Variants in ANKRD28 observed in about 807,000 individuals in gnomAD.
ANKRD28 encodes serine/threonine-protein phosphatase 6 regulatory ankyrin repeat subunit A.
Under a neutral mutation model 126.5 loss-of-function variants are expected in ANKRD28, and 44 were observed. The ratio of observed to expected loss-of-function variants is 0.35; its 90% CI spans 0.27 to 0.45. ANKRD28 has a LOEUF of 0.45. ANKRD28 is among the 20% of genes least tolerant of loss of function. The probability of loss-of-function intolerance (pLI) is 1.00; values close to 1 mark genes in which losing one functional copy is unlikely to be tolerated. For synonymous variants in ANKRD28, 442 were observed against 468.5 expected, an observed-to-expected ratio of 0.94 and a Z score of 0.73; for missense variants, 1,110 against 1,316.6, an observed-to-expected ratio of 0.84 and a Z score of 2.43.
chr3:15,701,935 G>T (rs192965005), intron 14 of ANKRD28, among the ~76,000 whole-genome samples: 1 of 151,942 alleles, frequency 6.6e-6, no homozygotes, highest in Non-Finnish European at 1.5e-5. Context: ...TTACCCAAGG[G>T]CATTTAAAAA....
At chr3:15,826,656 T>G (rs2061073642) in intron 1 of ANKRD28, among the ~76,000 whole-genome samples, 1 of 152,174 alleles carries the variant, frequency 6.6e-6, no homozygotes, top group Non-Finnish European at 1.5e-5. Context: ...GTAGTTAGGT[T>G]TATATTTTAT....
chr3:15,785,860 A>G (rs879877846), intron 2 of ANKRD28, among the ~76,000 whole-genome samples: 12 of 152,086 alleles, frequency 7.9e-5, no homozygotes, highest in Non-Finnish European at 1.6e-4. Flanking sequence ...AATGGATTAA[A>G]AAGAAATGAG....
rs5846878 is a variant in ANKRD28 at position 15,797,209 on chromosome 3, CAA to C, written c.-690_-689del. On this transcript the variant is annotated 5_prime_UTR_variant, in exon 1 of 28. It removes the in-frame stop codon of an upstream open reading frame in the 5' UTR. Transcript: ENST00000683139. ...TTGGGAAAGGGGCAAAAAACAAAAA[CAA>C]AAAAAAAAAAACCACTCTGCATTAA... The C allele has an allele frequency of 2.5e-3, 2,277 of 898,084 alleles. 7 individuals carry two copies. Among genetic ancestry groups the C allele is most frequent in the African/African-American group, 6.7e-3 (340 of 50,824 alleles). 55.6% of individuals were successfully genotyped at this position (898,084 alleles called of 1,614,324 possible).
At chr3:15,690,558 G>A (rs904266656) in intron 17 of ANKRD28, among the ~76,000 whole-genome samples, 1 of 152,040 alleles carries the variant, frequency 6.6e-6, no homozygotes, top group Non-Finnish European at 1.5e-5. Context: ...ATTCTAAAAA[G>A]CCTGTGTTTT....
chr3:15,825,008 G>A (rs374135961), intron 1 of ANKRD28, among the ~76,000 whole-genome samples: 108 of 152,216 alleles, frequency 7.1e-4, no homozygotes, highest in African/African-American at 2.6e-3. Flanking sequence ...AATCAAATAA[G>A]CCAACTTGTG....
rs1307078981 is a variant in ANKRD28, at chr3:15,678,320, C to T, written c.2596G>A (p.Val866Ile). 2.5e-6 allele frequency: 4 copies of T among 1,611,310 alleles called. No homozygotes were observed. Among genetic ancestry groups the T allele is most frequent in the Non-Finnish European group, 3.4e-6 (4 of 1,178,856 alleles). Residue 866 changes from valine to isoleucine, a missense_variant, in exon 24 of 28, where the codon GTA becomes ATA. Transcript: ENST00000683139. ...PLHAAAFTDH[V>I]ECLQLLLSHN... The stretch of plus-strand genomic sequence containing the variant: ...CTGAGCAGCAGCTGTAAACACTCTA[C>T]ATGGTCTGTGAAGGCGGCTGCATGG...
intron 23 of ANKRD28, among the ~76,000 whole-genome samples, chr3:15,678,909 G>C (rs958070402): frequency 6.6e-6 from 1 of 152,044 alleles, no homozygotes. Context: ...TTTTAATAAT[G>C]GGTTTTCTGT....
chr3:15,713,732 T>A (rs1219302242), intron 9 of ANKRD28, 91 bp from the exon 10 acceptor site: 1 of 717,154 alleles, frequency 1.4e-6, no homozygotes. Flanking sequence ...GCTGTTCACA[T>A]ACAAACTAAT....
At chr3:15,789,316 C>G (rs775328423) in intron 2 of ANKRD28, among the ~76,000 whole-genome samples, 2 of 152,076 alleles carry the variant, frequency 1.3e-5, no homozygotes. Context: ...CAAGACTGAT[C>G]TAGCAAAAAG....
intron 21 of ANKRD28, among the ~76,000 whole-genome samples, chr3:15,680,990 T>C (rs1409196680): frequency 1.3e-5 from 2 of 152,180 alleles, no homozygotes; most frequent in African/African-American, 4.8e-5. Flanking sequence ...TTAGGAAGTA[T>C]TTTTGTAGGA....
intron 1 of ANKRD28, among the ~76,000 whole-genome samples, chr3:15,818,690 ACT>A (rs1476213619): frequency 2.0e-5 from 3 of 152,216 alleles, no homozygotes; most frequent in Non-Finnish European, 2.9e-5. Flanking sequence ...CTCACAAGAT[ACT>A]TTAATATTTT....
intron 14 of ANKRD28, among the ~76,000 whole-genome samples, chr3:15,699,005 A>G (rs1424994195): frequency 6.6e-6 from 1 of 152,260 alleles, no homozygotes; most frequent in African/African-American, 2.4e-5. Flanking sequence ...ACAAGGCTAC[A>G]GTAACCAAAA....
chr3:15,786,723 TTATCA>T (rs2059799344), intron 2 of ANKRD28, among the ~76,000 whole-genome samples: 1 of 152,092 alleles, frequency 6.6e-6, no homozygotes, highest in Non-Finnish European at 1.5e-5. Flanking sequence ...AGGACATAAT[TTATCA>T]TATTTTTGCT....
intron 1 of ANKRD28, among the ~76,000 whole-genome samples, chr3:15,834,779 C>A (rs1486346489): frequency 6.6e-6 from 1 of 152,114 alleles, no homozygotes; most frequent in Non-Finnish European, 1.5e-5. Context: ...AAGGATATTT[C>A]TATGGTTAAA....
chr3:15,774,779 G>C (rs768886223), intron 2 of ANKRD28, among the ~76,000 whole-genome samples: 5 of 152,102 alleles, frequency 3.3e-5, no homozygotes, highest in Non-Finnish European at 5.9e-5. Flanking sequence ...TGCAACACAC[G>C]CAAGTCAAAA....
At chr3:15,726,594 G>A (rs1414341320) in intron 6 of ANKRD28, among the ~76,000 whole-genome samples, 4 of 152,196 alleles carry the variant, frequency 2.6e-5, no homozygotes, top group Admixed American at 6.5e-5. Context: ...GAAAAAAGAT[G>A]TCCCTGTAAC....
At chr3:15,722,251 C>A (rs1330215881) in intron 7 of ANKRD28, among the ~76,000 whole-genome samples, 4 of 152,182 alleles carry the variant, frequency 2.6e-5, no homozygotes, top group Non-Finnish European at 5.9e-5. Flanking sequence ...AAATCAACCA[C>A]ATGGACAACC....
rs138097936 is a variant in ANKRD28 at position 15,710,398 on chromosome 3, G to C, written c.1338-662C>G. On this transcript the variant is annotated intron_variant, in intron 12 of 27. Transcript: ENST00000683139. ...CAAGTCTGTTGTCCCTCTCTCTGTA[G>C]GCAAGTTACGTGGAAGTTAGGTTTT... Among the ~76,000 whole-genome samples, 548 of 152,236 alleles carry C rather than the reference G, an allele frequency of 3.6e-3. 7 individuals carry two copies. Among genetic ancestry groups the C allele is most frequent in the African/African-American group, 0.013 (529 of 41,540 alleles).
At chr3:15,712,809 G>C (rs1292692967) in intron 10 of ANKRD28, among the ~76,000 whole-genome samples, 3 of 152,056 alleles carry the variant, frequency 2.0e-5, no homozygotes, top group Non-Finnish European at 4.4e-5. Flanking sequence ...TGTGAAAGAA[G>C]GCCTAAATTT....
Sources: gnomAD v4.1 joint callset for allele counts (sites outside exome capture counted in the v4.1 genomes callset) on GRCh38, gnomAD v4.1.1 for gene constraint, MANE v1.5 for transcripts, NCBI Gene and HGNC (gene_info 2026-07-23, HGNC 2026-07-21) for gene names.